The following PLXDC2 variants were observed in gnomAD, a reference collection of about 807,000 sequenced individuals.
The protein encoded by PLXDC2 is plexin domain-containing protein 2.
Under a neutral mutation model 68.9 loss-of-function variants are expected in PLXDC2, and 40 were observed. The ratio of observed to expected loss-of-function variants is 0.58; its 90% CI spans 0.45 to 0.76. The LOEUF is 0.76. PLXDC2 is among the 30% of genes least tolerant of loss of function. The probability of loss-of-function intolerance (pLI) is 0.00; values close to 1 mark genes in which losing one functional copy is unlikely to be tolerated. For synonymous variants in PLXDC2, 243 were observed against 234.2 expected (o/e 1.04, Z -0.34); for missense variants, 644 against 661.9 (o/e 0.97, Z 0.30).
At chr10:19,950,959 A>G (rs992584195) in intron 1 of PLXDC2, among the ~76,000 whole-genome samples, 1 of 152,200 alleles carries the variant, frequency 6.6e-6, no homozygotes, top group Non-Finnish European at 1.5e-5. Context: ...GAAGAATGAA[A>G]CTGGACCTCT....
At chr10:20,216,118 A>T (rs1835133730) in intron 10 of PLXDC2, among the ~76,000 whole-genome samples, 1 of 151,686 alleles carries the variant, frequency 6.6e-6, no homozygotes, top group Non-Finnish European at 1.5e-5. Flanking sequence ...AAAAAAAAAA[A>T]AAAATAAAAA....
intron 2 of PLXDC2, among the ~76,000 whole-genome samples, chr10:20,009,471 G>A (rs548655924): frequency 1.3e-5 from 2 of 152,024 alleles, no homozygotes; most frequent in Non-Finnish European, 2.9e-5. Context: ...GGAAGGCAAA[G>A]ATTAATCCTG....
At chr10:20,217,692 A>G (rs886621204) in intron 11 of PLXDC2, 116 bp downstream of exon 11, 10 of 1,201,846 alleles carry the variant, frequency 8.3e-6, no homozygotes, top group Non-Finnish European at 1.1e-5. Context: ...AGGTCTCTCT[A>G]AAGTTATTCT....
At chr10:20,013,523 T>C (rs184764139) in intron 2 of PLXDC2, among the ~76,000 whole-genome samples, 24 of 152,282 alleles carry the variant, frequency 1.6e-4, no homozygotes, top group African/African-American at 5.8e-4. Flanking sequence ...AACATTTAGG[T>C]TATAATATTC....
chr10:20,159,533 T>C (rs944128458), intron 6 of PLXDC2, among the ~76,000 whole-genome samples: 7 of 152,150 alleles, frequency 4.6e-5, no homozygotes, highest in African/African-American at 1.4e-4. Context: ...GTTGTCCTTC[T>C]ACAGTCTTGA....
chr10:19,984,075 G>GA (rs1467364027), intron 1 of PLXDC2, among the ~76,000 whole-genome samples: 1 of 152,206 alleles, frequency 6.6e-6, no homozygotes, highest in Non-Finnish European at 1.5e-5. Context: ...TGTCAGGCAA[G>GA]AAAAAGCAGA....
intron 4 of PLXDC2, among the ~76,000 whole-genome samples, chr10:20,141,303 A>C (rs1364833678): frequency 2.6e-5 from 4 of 152,058 alleles, no homozygotes; most frequent in African/African-American, 9.7e-5. Context: ...AAATACTAAC[A>C]GTAAGTTTGA....
intron 4 of PLXDC2, among the ~76,000 whole-genome samples, chr10:20,137,952 G>T (rs545302090): frequency 6.6e-6 from 1 of 152,306 alleles, no homozygotes; most frequent in Admixed American, 6.5e-5. Flanking sequence ...CTGGTCCAGG[G>T]TTGGTACTTG....
rs968731400 is a variant in PLXDC2 at position 20,279,802 on chromosome 10, G to A, written c.1573G>A (p.Val525Ile). 6.2e-7 allele frequency: 1 copy of A among 1,613,840 alleles called. No individual in the cohort carries two copies. Among genetic ancestry groups the A allele is most frequent in the Admixed American group, 1.7e-5 (1 of 59,978 alleles). ...AGTTGGAGAGAAAGAAGGCTTTATT[G>A]TATCAGAGCAGTGCTAAAATTTCTA... is the stretch of plus-strand genomic sequence containing the variant. ...EPVGEKEGFI[V>I]SEQC The change falls in exon 14 of 14, where the codon GTA becomes ATA. Residue 525 changes from valine to isoleucine, a missense_variant. This residue lies in a region of PLXDC2 where 330 missense variants were observed against 327.9 expected (regional missense o/e 1.01). Coordinates refer to ENST00000377252, the MANE Select transcript of PLXDC2 (RefSeq NM_032812.9).
chr10:20,242,287 G>A (rs929629943), intron 12 of PLXDC2, among the ~76,000 whole-genome samples: 3 of 152,134 alleles, frequency 2.0e-5, no homozygotes, highest in Non-Finnish European at 4.4e-5. Context: ...ATATATTGTT[G>A]TGAATCTGAC....
At chr10:20,212,759 C>T (rs1027869547) in intron 10 of PLXDC2, among the ~76,000 whole-genome samples, 6 of 152,112 alleles carry the variant, frequency 3.9e-5, no homozygotes, top group African/African-American at 1.4e-4. Context: ...GTAGCTATAA[C>T]CAACCTTTTG....
chr10:20,237,735 G>T (rs1442166817), intron 12 of PLXDC2, among the ~76,000 whole-genome samples: 1 of 152,114 alleles, frequency 6.6e-6, no homozygotes, highest in Non-Finnish European at 1.5e-5. Context: ...AGCACATTTT[G>T]GCATCTTCTG....
rs1413874903 is a variant in PLXDC2, at chr10:19,916,774, A to G, written c.113-85001A>G. 3.9e-5 allele frequency among the ~76,000 whole-genome samples: 6 copies of G among 152,148 alleles called. No individual in the cohort carries two copies. The East Asian group carries it at 9.7e-4, about 24-fold the overall frequency. On this transcript the variant is annotated intron_variant, in intron 1 of 13. Coordinates refer to ENST00000377252, the MANE Select transcript of PLXDC2 (RefSeq NM_032812.9). Reference sequence around the variant, plus strand: ...TAAATATGTACAATACCTGGCACCTATTCAGTGCTTGAAAACTGGAGTAAT... The same window carrying G: ...TAAATATGTACAATACCTGGCACCTGTTCAGTGCTTGAAAACTGGAGTAAT...
intron 4 of PLXDC2, among the ~76,000 whole-genome samples, chr10:20,119,461 A>G (rs1045042907): frequency 6.6e-6 from 1 of 151,792 alleles, no homozygotes; most frequent in Non-Finnish European, 1.5e-5. Flanking sequence ...TCACAAGACA[A>G]TGTCTCAGTT....
chr10:20,095,979 T>C (rs1418126837), intron 4 of PLXDC2, among the ~76,000 whole-genome samples: 2 of 152,226 alleles, frequency 1.3e-5, no homozygotes, highest in African/African-American at 2.4e-5. Flanking sequence ...TTAATGTTCA[T>C]TGAAATTCAT....
At chr10:19,842,606 A>G (rs1836930591) in intron 1 of PLXDC2, among the ~76,000 whole-genome samples, 1 of 152,114 alleles carries the variant, frequency 6.6e-6, no homozygotes, top group South Asian at 2.1e-4. Context: ...TATAAGTAAC[A>G]CTCATGCTGA....
intron 4 of PLXDC2, among the ~76,000 whole-genome samples, chr10:20,087,102 A>T (rs1833209388): frequency 6.6e-6 from 1 of 152,240 alleles, no homozygotes; most frequent in Non-Finnish European, 1.5e-5. Context: ...TTTGAATTTT[A>T]TGACATACAA....
chr10:20,186,200 A>G (rs943833160), intron 9 of PLXDC2, among the ~76,000 whole-genome samples: 9 of 151,978 alleles, frequency 5.9e-5, no homozygotes, highest in Non-Finnish European at 1.3e-4. Flanking sequence ...ATTGAAAAAT[A>G]TTAATTGGAA....
Position 19,817,211 on chromosome 10 carries a change from G to A in PLXDC2, c.112+20G>A. ...TCCTTGGTAAGTAAGATGCACTTTA[G>A]CTTGCTGATTTTGTGCGCAGCTGAA... On this transcript the variant is annotated intron_variant, in intron 1 of 13. Transcript: ENST00000377252. The A allele has an allele frequency of 6.5e-7, 1 of 1,546,406 alleles. No homozygotes were observed. The highest frequency in any genetic ancestry group is 1.4e-5 in the African/African-American group (1 of 73,072).
Sources: gnomAD v4.1 joint callset for allele counts (sites outside exome capture counted in the v4.1 genomes callset) on GRCh38, gnomAD v4.1.1 for gene constraint, gnomAD v4.1.1 regional missense constraint, MANE v1.5 for transcripts, NCBI Gene and HGNC (gene_info 2026-07-23, HGNC 2026-07-21) for gene names.